The following FOXN3 variants were observed in gnomAD, a reference collection of about 807,000 sequenced individuals.
The protein encoded by FOXN3 is forkhead box N3, also known as forkhead box protein N3.
In FOXN3, 7 loss-of-function variants were observed where a neutral mutation model predicts 38.4. That is an observed-to-expected ratio of 0.18 (90% CI 0.10 to 0.34). FOXN3 has a LOEUF of 0.34. FOXN3 is among the 10% of genes least tolerant of loss of function. FOXN3 has a pLI of 1.00. For synonymous variants in FOXN3, 230 were observed against 242.2 expected (o/e 0.95, Z 0.47); for missense variants, 456 against 613.4 (o/e 0.74, Z 2.71).
chr14:89,557,985 G>C (rs143520804), intron 1 of FOXN3, among the ~76,000 whole-genome samples: 1 of 152,114 alleles, frequency 6.6e-6, no homozygotes. Flanking sequence ...CAGCCTAGGC[G>C]ACAGGGCAAG....
intron 4 of FOXN3, among the ~76,000 whole-genome samples, chr14:89,261,789 G>A (rs888498119): frequency 9.7e-4 from 147 of 152,280 alleles, no homozygotes; most frequent in African/African-American, 3.0e-3. Context: ...TTAGCTGGGC[G>A]TGGTGACAGG....
At chr14:89,337,326 G>A (rs1275599787) in intron 3 of FOXN3, among the ~76,000 whole-genome samples, 4 of 152,150 alleles carry the variant, frequency 2.6e-5, no homozygotes, top group African/African-American at 9.7e-5. Context: ...GCCGGGCTTT[G>A]TTCTCATCAA....
chr14:89,454,298 C>T (rs1233016611), intron 1 of FOXN3, among the ~76,000 whole-genome samples: 4 of 151,780 alleles, frequency 2.6e-5, no homozygotes, highest in Non-Finnish European at 4.4e-5. Context: ...AGTGAGACTC[C>T]GTCTCAAAAA....
chr14:89,415,623 A>AAAT, intron 1 of FOXN3, among the ~76,000 whole-genome samples: 1 of 138,426 alleles, frequency 7.2e-6, no homozygotes, highest in Non-Finnish European at 1.6e-5. Flanking sequence ...AAAAAAAAAA[A>AAAT]AAAAAAAACA....
intron 4 of FOXN3, among the ~76,000 whole-genome samples, chr14:89,272,287 T>G (rs1886172465): frequency 6.6e-6 from 1 of 152,026 alleles, no homozygotes. Context: ...CACTCCAGCC[T>G]GGGTGACAGA....
chr14:89,475,093 C>T (rs1295692916), intron 1 of FOXN3, among the ~76,000 whole-genome samples: 1 of 152,114 alleles, frequency 6.6e-6, no homozygotes, highest in Non-Finnish European at 1.5e-5. Context: ...GGATTACAGG[C>T]GTGAGCCACC....
intron 1 of FOXN3, among the ~76,000 whole-genome samples, chr14:89,600,069 C>T (rs1896127845): frequency 6.6e-6 from 1 of 152,242 alleles, no homozygotes; most frequent in Non-Finnish European, 1.5e-5. Flanking sequence ...GATGGCTCTC[C>T]AATTTTTCCA....
intron 4 of FOXN3, among the ~76,000 whole-genome samples, chr14:89,227,874 C>T (rs1348191154): frequency 6.6e-6 from 1 of 152,206 alleles, no homozygotes; most frequent in Non-Finnish European, 1.5e-5. Flanking sequence ...CTAACAACTG[C>T]AAGGCACGGA....
intron 1 of FOXN3, among the ~76,000 whole-genome samples, chr14:89,471,197 C>T (rs1893087767): frequency 6.6e-6 from 1 of 152,138 alleles, no homozygotes; most frequent in Admixed American, 6.5e-5. Flanking sequence ...AGATTATGGG[C>T]ACCTACCTAG....
At chr14:89,209,007 G>A (rs1050779935) in intron 4 of FOXN3, among the ~76,000 whole-genome samples, 1 of 152,066 alleles carries the variant, frequency 6.6e-6, no homozygotes, top group Non-Finnish European at 1.5e-5. Context: ...TCCTAACCAC[G>A]CAACGACAAA....
intron 5 of FOXN3, among the ~76,000 whole-genome samples, chr14:89,165,595 C>T (rs1887220599): frequency 6.6e-6 from 1 of 152,214 alleles, no homozygotes; most frequent in South Asian, 2.1e-4. Context: ...TATCTGTTTT[C>T]TGCAGACTTC....
At chr14:89,530,181 G>A (rs548000746) in intron 1 of FOXN3, among the ~76,000 whole-genome samples, 25 of 152,128 alleles carry the variant, frequency 1.6e-4, no homozygotes, top group East Asian at 3.9e-4. Flanking sequence ...CTCGTGATCC[G>A]CCTGCCTCAG....
At chr14:89,300,684 A>G (rs185701457) in intron 3 of FOXN3, among the ~76,000 whole-genome samples, 9 of 152,360 alleles carry the variant, frequency 5.9e-5, no homozygotes, top group South Asian at 2.1e-4. Flanking sequence ...CTGATTTTGG[A>G]AAGCTGATGA....
intron 4 of FOXN3, among the ~76,000 whole-genome samples, chr14:89,205,208 G>A (rs934014914): frequency 6.6e-6 from 1 of 151,894 alleles, no homozygotes; most frequent in African/African-American, 2.4e-5. Context: ...TGTGGGTGCT[G>A]TGATCAGAAT....
chr14:89,198,878 A>G (rs578170186), intron 4 of FOXN3, among the ~76,000 whole-genome samples: 1 of 152,356 alleles, frequency 6.6e-6, no homozygotes, highest in East Asian at 1.9e-4. Flanking sequence ...AACACATCAA[A>G]AGTAAACAGA....
chr14:89,166,617 C>T (rs1887249183), intron 5 of FOXN3, among the ~76,000 whole-genome samples: 1 of 152,136 alleles, frequency 6.6e-6, no homozygotes, highest in African/African-American at 2.4e-5. Context: ...GACAGAAAAC[C>T]AATACATCCA....
intron 1 of FOXN3, among the ~76,000 whole-genome samples, chr14:89,527,640 A>G (rs1185851230): frequency 6.6e-6 from 1 of 152,200 alleles, no homozygotes; most frequent in Non-Finnish European, 1.5e-5. Context: ...CACAATAGCC[A>G]TTAAGGAAAT....
At chr14:89,438,918 G>A (rs949383655) in intron 1 of FOXN3, among the ~76,000 whole-genome samples, 7 of 151,914 alleles carry the variant, frequency 4.6e-5, no homozygotes, top group Non-Finnish European at 1.0e-4. Flanking sequence ...GCACCACCAC[G>A]CCCAGCTAAT....
chr14:89,241,048 ACT>A (rs1885126441), intron 4 of FOXN3, among the ~76,000 whole-genome samples: 1 of 152,086 alleles, frequency 6.6e-6, no homozygotes. Flanking sequence ...GTTAGCAGTG[ACT>A]CTGACAAGCC....
Sources: gnomAD v4.1 joint callset for allele counts (sites outside exome capture counted in the v4.1 genomes callset) on GRCh38, gnomAD v4.1.1 for gene constraint, MANE v1.5 for transcripts, NCBI Gene and HGNC (gene_info 2026-07-23, HGNC 2026-07-21) for gene names.